The following ARHGAP23 variants were observed in gnomAD, a reference collection of about 807,000 sequenced individuals.
ARHGAP23 encodes the protein rho GTPase-activating protein 23.
ARHGAP23 carries 34 observed loss-of-function variants against 136.3 expected under a neutral mutation model. The ratio of observed to expected loss-of-function variants is 0.25; its 90% CI spans 0.19 to 0.33. ARHGAP23 has a LOEUF of 0.33. Among genes scored for constraint, ARHGAP23 ranks in the 10% least tolerant of loss-of-function variants. The pLI, the probability that ARHGAP23 is intolerant of heterozygous loss-of-function variation, is 1.00. For synonymous variants in ARHGAP23, 832 were observed against 920.5 expected, an observed-to-expected ratio of 0.90 and a Z score of 1.74; for missense variants, 1,808 against 2,139.0, an observed-to-expected ratio of 0.85 and a Z score of 3.05.
intron 20 of ARHGAP23, among the ~76,000 whole-genome samples, chr17:38,496,665 AG>A (rs1274990680): frequency 3.3e-5 from 5 of 152,126 alleles, no homozygotes; most frequent in Non-Finnish European, 4.4e-5. Flanking sequence ...GGTTCACTTA[AG>A]GGGTGATTAA....
At chr17:38,480,765 C>CTGCACTCCA (rs2040018730) in intron 14 of ARHGAP23, among the ~76,000 whole-genome samples, 1 of 146,916 alleles carries the variant, frequency 6.8e-6, no homozygotes, top group African/African-American at 2.5e-5. Context: ...GATCACACCA[C>CTGCACTCCA]TGCACTCCAG....
intron 1 of ARHGAP23, among the ~76,000 whole-genome samples, chr17:38,449,398 G>A (rs943409614): frequency 2.0e-5 from 3 of 152,254 alleles, no homozygotes; most frequent in Non-Finnish European, 4.4e-5. Context: ...TGGGGGTTAT[G>A]TGTACATGGA....
Position 38,497,893 on chromosome 17 carries a change from G to A in ARHGAP23, c.3318+67G>A, listed in dbSNP as rs558341901. 14 of 1,502,986 alleles carry A rather than the reference G, an allele frequency of 9.3e-6. No homozygotes were observed. In the South Asian group the frequency reaches 1.7e-4, roughly 18 times the overall value. 93.1% of individuals were successfully genotyped at this position (1,502,986 alleles called of 1,614,324 possible). A position where few individuals can be genotyped will look rare whatever the true frequency, so the allele number is the denominator to read the frequency against. ...GGGGTGAGCCCCAGTCCTTGGGGGT[G>A]GGGCAGGCAGCGGGACTTAAGCCGG... is the stretch of plus-strand genomic sequence containing the variant. On this transcript the variant is annotated intron_variant, in intron 21 of 23. Coordinates refer to ENST00000622683, the MANE Select transcript of ARHGAP23 (RefSeq NM_001199417.2).
At chr17:38,427,995 C>G (rs2038594895), upstream of ARHGAP23, among the ~76,000 whole-genome samples, 2 of 152,168 alleles carry the variant, frequency 1.3e-5, no homozygotes, top group African/African-American at 4.8e-5. Context: ...TCTCTCTGCG[C>G]TGTCTCTATC....
intron 20 of ARHGAP23, among the ~76,000 whole-genome samples, chr17:38,493,730 G>A (rs879657050): frequency 4.6e-5 from 7 of 152,240 alleles, no homozygotes; most frequent in Non-Finnish European, 7.3e-5. Context: ...CCAGTCTTCA[G>A]GTCGGAAAGA....
At chr17:38,459,692 C>T (rs1443245875) in intron 2 of ARHGAP23, among the ~76,000 whole-genome samples, 2 of 152,218 alleles carry the variant, frequency 1.3e-5, no homozygotes, top group Non-Finnish European at 2.9e-5. Flanking sequence ...AGAACCTGCC[C>T]AGGGCTGGGA....
At chr17:38,456,006 C>T (rs917316951) in intron 1 of ARHGAP23, among the ~76,000 whole-genome samples, 2 of 152,138 alleles carry the variant, frequency 1.3e-5, no homozygotes, top group African/African-American at 4.8e-5. Context: ...TACGTGGCCC[C>T]TGTCTGGTAG....
chr17:38,506,784 A>G (rs1272244310), intron 23 of ARHGAP23, among the ~76,000 whole-genome samples: 1 of 152,120 alleles, frequency 6.6e-6, no homozygotes, highest in South Asian at 2.1e-4. Context: ...GGGCTTCCAC[A>G]TGTGAGTTTG....
intron 2 of ARHGAP23, among the ~76,000 whole-genome samples, chr17:38,458,734 C>T (rs547698311): frequency 2.6e-5 from 4 of 152,324 alleles, no homozygotes; most frequent in Non-Finnish European, 5.9e-5. Context: ...CCCAGCACGC[C>T]CCTGGCCCCT....
intron 3 of ARHGAP23, among the ~76,000 whole-genome samples, chr17:38,461,516 G>A (rs2039460426): frequency 6.6e-6 from 1 of 152,216 alleles, no homozygotes; most frequent in African/African-American, 2.4e-5. Context: ...CTGCCACTGG[G>A]GCTTTCGCTG....
chr17:38,461,074 C>G, intron 3 of ARHGAP23, 142 bp downstream of exon 3: 24 of 1,449,004 alleles, frequency 1.7e-5, no homozygotes, highest in Non-Finnish European at 2.2e-5. Flanking sequence ...CCTGTCTGTG[C>G]CCCTGGTCTG....
intron 14 of ARHGAP23, among the ~76,000 whole-genome samples, 194 bp downstream of exon 14, chr17:38,480,077 G>A (rs112532362): frequency 0.073 from 11,038 of 152,154 alleles, 545 homozygotes; most frequent in Non-Finnish European, 0.11. Context: ...GGAAGGGCCT[G>A]GAGCCTGATT....
intron 23 of ARHGAP23, among the ~76,000 whole-genome samples, chr17:38,504,060 A>G (rs2040577446): frequency 6.6e-6 from 1 of 152,188 alleles, no homozygotes; most frequent in Non-Finnish European, 1.5e-5. Flanking sequence ...GTTTGGGCAT[A>G]TTCTTGGGCC....
At position 38,477,664 on chromosome 17, in the gene ARHGAP23, AGCCCGG is replaced by A; in HGVS notation, c.2208_2213del (p.Gly737_Pro738del). The stretch of plus-strand genomic sequence containing the variant: ...CTCTCGCTGAGCAAGGAGCGGCGGG[AGCCCGG>A]GCCGGCGGCGGCGGGGGCTGCGGCG... On this transcript the variant is annotated inframe_deletion, in exon 12 of 24. Transcript: ENST00000622683. The surrounding 1 kb of genome is among the most constrained non-coding windows in gnomAD (Gnocchi z 6.6). 7.8e-7 allele frequency: 1 copy of A among 1,279,276 alleles called. No individual in the cohort carries two copies. Among genetic ancestry groups the A allele is most frequent in the Non-Finnish European group, 9.9e-7 (1 of 1,011,346 alleles). The allele number at this position is 1,279,276 out of a possible 1,614,324, so 79.2% of individuals were successfully genotyped here. A position where few individuals can be genotyped will look rare whatever the true frequency, so the allele number is the denominator to read the frequency against.
intron 1 of ARHGAP23, among the ~76,000 whole-genome samples, chr17:38,444,860 C>G (rs147745298): frequency 0.025 from 3,809 of 151,876 alleles, 67 homozygotes; most frequent in Non-Finnish European, 0.04. Flanking sequence ...TCTTGCCGTC[C>G]AGGCTGGAGT....
chr17:38,495,239 T>TC (rs1218153804), intron 20 of ARHGAP23, among the ~76,000 whole-genome samples: 3 of 150,406 alleles, frequency 2.0e-5, no homozygotes, highest in African/African-American at 7.3e-5. Flanking sequence ...TTTTTTTTTT[T>TC]TTTTTTTTTT....
intron 16 of ARHGAP23, among the ~76,000 whole-genome samples, chr17:38,484,387 A>G (rs1021995448): frequency 3.9e-5 from 6 of 152,038 alleles, no homozygotes; most frequent in Non-Finnish European, 7.4e-5. Context: ...GGGTGTGGAA[A>G]GTCCCTTGCA....
chr17:38,500,839 C>A (rs568404298), intron 23 of ARHGAP23: 1 of 602,746 alleles, frequency 1.7e-6, no homozygotes, highest in Admixed American at 3.0e-5. Context: ...AGTAGAAGGA[C>A]CTGGCCTGGG....
At chr17:38,481,077 G>A (rs1016942775) in intron 14 of ARHGAP23, among the ~76,000 whole-genome samples, 28 of 152,094 alleles carry the variant, frequency 1.8e-4, no homozygotes, top group African/African-American at 6.0e-4. Flanking sequence ...TTAGGTTCAA[G>A]CGATTCTTGT....
Sources: gnomAD v4.1 joint callset for allele counts (sites outside exome capture counted in the v4.1 genomes callset) on GRCh38, gnomAD v4.1.1 for gene constraint, Gnocchi (gnomAD v3.1) non-coding constraint, MANE v1.5 for transcripts, NCBI Gene and HGNC (gene_info 2026-07-23, HGNC 2026-07-21) for gene names.